The following MX2 variants were observed in gnomAD, a reference collection of about 807,000 sequenced individuals.
The protein encoded by MX2 is interferon-induced GTP-binding protein Mx2.
MX2 carries 51 observed loss-of-function variants against 74.0 expected under a neutral mutation model. The ratio of observed to expected loss-of-function variants is 0.69; its 90% CI spans 0.55 to 0.87. The LOEUF is 0.87. Ranked by LOEUF, MX2 falls within the 40% of genes least tolerant of loss-of-function variation. MX2 has a pLI of 0.00. For synonymous variants in MX2, 369 were observed against 339.3 expected (o/e 1.09, Z -0.96); for missense variants, 832 against 908.7 (o/e 0.92, Z 1.09).
At position 41,388,789 on chromosome 21, in the gene MX2, G is replaced by A. The variant is rs1051764799; in HGVS notation, c.733-1776G>A. ...TGAGTGAGTGTGCATTAAATACGGT[G>A]ATTCCCAGCCCAGAGCTTTTGTACC... On this transcript the variant is annotated intron_variant, in intron 5 of 13. Transcript: ENST00000330714. The surrounding 1 kb of genome is among the most constrained non-coding windows in gnomAD (Gnocchi z 4.0). Among the ~76,000 whole-genome samples the A allele has an allele frequency of 1.1e-4, 17 of 152,204 alleles. No homozygotes were observed. The highest frequency in any genetic ancestry group is 4.1e-4 in the African/African-American group (17 of 41,444).
rs1191042921 is a variant in MX2, at chr21:41,380,258, A to G, written c.577+107A>G. 4 of 1,479,104 alleles carry G rather than the reference A, an allele frequency of 2.7e-6. No homozygotes were observed. Among genetic ancestry groups the G allele is most frequent in the Non-Finnish European group, 3.7e-6 (4 of 1,091,718 alleles). The allele number at this position is 1,479,104 out of a possible 1,614,324, so 91.6% of individuals were successfully genotyped here. A position where few individuals can be genotyped will look rare whatever the true frequency, so the allele number is the denominator to read the frequency against. ...CCCCCACAGTGACCACTCAGCTCCT[A>G]GCCCCATGTGCTCCCACATGGGGCT... On this transcript the variant is annotated intron_variant, in intron 4 of 13. Transcript: ENST00000330714. This position sits in a 1 kb window ranked among gnomAD's most constrained non-coding sequence, Gnocchi z 4.3.
intron 5 of MX2, among the ~76,000 whole-genome samples, chr21:41,387,826 C>A (rs1251923977): frequency 6.6e-6 from 1 of 152,186 alleles, no homozygotes; most frequent in Admixed American, 6.5e-5. Context: ...AAGCAACACC[C>A]GATCTTCCCC....
In MX2 at chr21:41,382,531, T is replaced by G. The variant is rs1237108355; in HGVS notation, c.699T>G (p.Ala233=). Residue 233 remains alanine (A), a synonymous_variant, in exon 5 of 14, where the codon GCT becomes GCG. Coordinates refer to ENST00000330714, the MANE Select transcript of MX2 (RefSeq NM_002463.2). The stretch of plus-strand genomic sequence containing the variant: ...ACCTTCCCGGCATCACCAGGGTGGC[T>G]GTGGACAACCAGCCCCGAGACATCG... ...IIDLPGITRV[A]VDNQPRDIGL... is the part of the protein sequence containing the mutation. 1 of 1,614,214 alleles carries G rather than the reference T, an allele frequency of 6.2e-7. No homozygotes were observed. Among genetic ancestry groups the G allele is most frequent in the Non-Finnish European group, 8.5e-7 (1 of 1,180,046 alleles).
At chr21:41,395,856 A>T in intron 7 of MX2, 71 bp downstream of exon 7, 6 of 1,489,448 alleles carry the variant, frequency 4.0e-6, no homozygotes, top group Non-Finnish European at 5.6e-6. Context: ...GTTGGCCCAG[A>T]TCATGACCAA....
intron 8 of MX2, among the ~76,000 whole-genome samples, chr21:41,398,176 G>A (rs528999710): frequency 3.3e-5 from 5 of 152,344 alleles, no homozygotes; most frequent in Admixed American, 6.5e-5. Context: ...GGGCATGGTG[G>A]CACATGCCTG....
chr21:41,377,845 C>T lies in MX2; in HGVS notation c.306C>T (p.Asp102=), dbSNP rs933277485. The T allele has an allele frequency of 1.9e-6, 3 of 1,614,238 alleles. No homozygotes were observed. In the African/African-American group the frequency reaches 4.0e-5, roughly 22 times the overall value. ...QYEQKVRPCI[D]LIDSLRALGV... ...AGCAGAAGGTGCGCCCCTGCATTGA[C>T]CTCATCGACTCCCTGCGGGCTCTGG... The change falls in exon 3 of 14, where the codon GAC becomes GAT. Residue 102 remains aspartate (D), a synonymous_variant. Transcript: ENST00000330714.
At chr21:41,406,402 G>C (rs1433893183) in intron 12 of MX2, among the ~76,000 whole-genome samples, 4 of 152,228 alleles carry the variant, frequency 2.6e-5, no homozygotes, top group African/African-American at 9.6e-5. Flanking sequence ...TCTAGCAGAA[G>C]TAGCACCCCA....
chr21:41,394,182 C>T (rs1051270387), intron 6 of MX2, among the ~76,000 whole-genome samples: 4 of 152,242 alleles, frequency 2.6e-5, no homozygotes, highest in African/African-American at 9.6e-5. Context: ...TACATTCTCT[C>T]CTGCTGCCAT....
chr21:41,381,501 T>C (rs1372616228), intron 4 of MX2, among the ~76,000 whole-genome samples: 3 of 151,972 alleles, frequency 2.0e-5, no homozygotes, highest in Admixed American at 6.5e-5. Flanking sequence ...CTGGCTAACA[T>C]GGTGAAACCC....
At chr21:41,377,683 G>A in intron 2 of MX2, 106 bp from the exon 3 acceptor site, 1 of 1,257,240 alleles carries the variant, frequency 8.0e-7, no homozygotes, top group Non-Finnish European at 1.1e-6. Context: ...CCTCCTGTCT[G>A]CAACCCAACC....
chr21:41,378,764 CAAG>C (rs2089448230), intron 3 of MX2, among the ~76,000 whole-genome samples: 1 of 152,078 alleles, frequency 6.6e-6, no homozygotes, highest in Non-Finnish European at 1.5e-5. Context: ...GGGAAGCCAG[CAAG>C]AAGGGGGTGG....
At chr21:41,377,338 C>T (rs1447179426) in intron 2 of MX2, among the ~76,000 whole-genome samples, 183 bp downstream of exon 2, 2 of 152,234 alleles carry the variant, frequency 1.3e-5, no homozygotes, top group South Asian at 2.1e-4. Context: ...CCTGCAGCAA[C>T]GGGCTGCTGC....
At chr21:41,383,406 C>T (rs776469275) in intron 5 of MX2, among the ~76,000 whole-genome samples, 19 of 152,178 alleles carry the variant, frequency 1.2e-4, no homozygotes, top group Non-Finnish European at 2.4e-4. Context: ...AAACATAGTC[C>T]TCGCTCAGGT....
chr21:41,379,414 C>T (rs114621427), intron 3 of MX2, among the ~76,000 whole-genome samples: 2,950 of 152,288 alleles, frequency 0.019, 117 homozygotes, highest in African/African-American at 0.067. Context: ...TCAGTAGCAT[C>T]GGAGGATCCT....
chr21:41,394,760 G>C (rs1386824845), intron 6 of MX2, among the ~76,000 whole-genome samples: 1 of 152,050 alleles, frequency 6.6e-6, no homozygotes, highest in East Asian at 1.9e-4. Flanking sequence ...GGCCAACATG[G>C]TGAAACCTCA....
intron 6 of MX2, 126 bp downstream of exon 6, chr21:41,390,829 C>A: frequency 9.5e-7 from 1 of 1,058,184 alleles, no homozygotes; most frequent in Non-Finnish European, 1.3e-6. Flanking sequence ...TCCGGTGAAA[C>A]CTCGTCTCCA....
chr21:41,386,614 G>A (rs1229967061), intron 5 of MX2, among the ~76,000 whole-genome samples: 1 of 152,136 alleles, frequency 6.6e-6, no homozygotes, highest in Admixed American at 6.5e-5. Context: ...TGCAGATCGG[G>A]GCCTCCAGGT....
chr21:41,367,462 G>A (rs773418814), intron 1 of MX2, among the ~76,000 whole-genome samples: 12 of 152,118 alleles, frequency 7.9e-5, no homozygotes, highest in South Asian at 4.1e-4. Flanking sequence ...AATGTTATAG[G>A]AAAGTGTCTG....
Position 41,399,323 on chromosome 21 carries a change from C to G in MX2, c.1400C>G (p.Thr467Ser). 6.2e-7 allele frequency: 1 copy of G among 1,613,838 alleles called. No homozygotes were observed. Among genetic ancestry groups the G allele is most frequent in the Non-Finnish European group, 8.5e-7 (1 of 1,179,928 alleles). Residue 467 changes from threonine (T) to serine (S), a missense_variant, in exon 10 of 14, where the codon ACT becomes AGT. Transcript: ENST00000330714. ...DFKNWVGILA[T>S]NTQKVKNIIH... ...AAAAACTGGGTAGGCATACTTGCAACTAATACCCAAAAAGGTAAGTTCTGG... is the reference window on the plus strand; with the variant it reads ...AAAAACTGGGTAGGCATACTTGCAAGTAATACCCAAAAAGGTAAGTTCTGG...
Sources: gnomAD v4.1 joint callset for allele counts (sites outside exome capture counted in the v4.1 genomes callset) on GRCh38, gnomAD v4.1.1 for gene constraint, Gnocchi (gnomAD v3.1) non-coding constraint, MANE v1.5 for transcripts, NCBI Gene and HGNC (gene_info 2026-07-23, HGNC 2026-07-21) for gene names.